Variants in MYLIP observed in about 807,000 individuals in gnomAD.
MYLIP encodes E3 ubiquitin-protein ligase MYLIP.
In MYLIP, 26 loss-of-function variants were observed where a neutral mutation model predicts 45.8. The ratio of observed to expected loss-of-function variants is 0.57; its 90% confidence interval spans 0.42 to 0.79. MYLIP has a LOEUF of 0.79. Among genes scored for constraint, MYLIP ranks in the 30% least tolerant of loss-of-function variants. MYLIP has a pLI of 0.00. For synonymous variants in MYLIP, 213 were observed against 218.1 expected (o/e 0.98, Z 0.21); for missense variants, 494 against 555.6 (o/e 0.89, Z 1.11).
the MYLIP span, among the ~76,000 whole-genome samples, chr6:16,159,504 G>A: frequency 6.6e-6 from 1 of 152,212 alleles, no homozygotes; most frequent in Non-Finnish European, 1.5e-5. Flanking sequence ...TGTGTTTGCT[G>A]TCCTTCTTAT....
chr6:16,141,635 T>G lies in MYLIP; in HGVS notation c.289T>G (p.Phe97Val). The change falls in exon 3 of 7, where the codon TTC (phenylalanine) becomes GTC (valine). Residue 97 changes from phenylalanine to valine, a missense_variant. Coordinates refer to ENST00000356840, the MANE Select transcript of MYLIP (RefSeq NM_013262.4). ...ILQEQTRHIF[F>V]LHIKEALLAG... Reference sequence around the variant, plus strand: ...CACCTTGCTTTGCAGGCATATCTTTTTCTTGCACATCAAGGAGGCCCTCTT... The same window carrying G: ...CACCTTGCTTTGCAGGCATATCTTTGTCTTGCACATCAAGGAGGCCCTCTT... 6.2e-7 allele frequency: 1 copy of G among 1,612,850 alleles called. No homozygotes were observed. The highest frequency in any genetic ancestry group is 1.1e-5 in the South Asian group (1 of 91,010).
At position 16,129,135 on chromosome 6, in the gene MYLIP, CGGGCAGCGGGTGAGG is replaced by C; in HGVS notation, c.-184_-170del. ...CACCGCGGAGGACAGGGGCAGCTGGCGGGCAGCGGGTGAGGGGGTGGCGGGGACGCGAGTGGCGGC... is the reference window on the plus strand; with the variant it reads ...CACCGCGGAGGACAGGGGCAGCTGGCGGGTGGCGGGGACGCGAGTGGCGGC... On this transcript the variant is annotated 5_prime_UTR_variant, in exon 1 of 7. Coordinates refer to ENST00000356840, the MANE Select transcript of MYLIP (RefSeq NM_013262.4). The surrounding 1 kb of genome is among the most constrained non-coding windows in gnomAD (Gnocchi z 5.1). The C allele has an allele frequency of 1.7e-6, 1 of 587,026 alleles. No homozygotes were observed. The highest frequency in any genetic ancestry group is 3.0e-5 in the East Asian group (1 of 33,092). The allele number at this position is 587,026 out of a possible 1,614,324, so 36.4% of individuals were successfully genotyped here. A position where few individuals can be genotyped will look rare whatever the true frequency, so the allele number is the denominator to read the frequency against.
rs1454237502 is a variant in MYLIP, at chr6:16,129,983, G to A, written c.87+574G>A. 2.0e-5 allele frequency among the ~76,000 whole-genome samples: 3 copies of A among 152,240 alleles called. No homozygotes were observed. Among genetic ancestry groups the A allele is most frequent in the Admixed American group, 6.5e-5 (1 of 15,288 alleles). ...CTACTGCTCGGTTGTTTTTAAGCAT[G>A]TGTTTCCTTAACAGTGAGGGAGATC... On this transcript the variant is annotated intron_variant, in intron 1 of 6. Transcript: ENST00000356840. The surrounding 1 kb of genome is among the most constrained non-coding windows in gnomAD (Gnocchi z 5.1).
chr6:16,153,698 G>C, the MYLIP span, among the ~76,000 whole-genome samples: 2,293 of 152,294 alleles, frequency 0.015, 28 homozygotes, highest in Non-Finnish European at 0.026. Flanking sequence ...GTGTGTGCCA[G>C]AGTTAGGGGA....
intron 2 of MYLIP, among the ~76,000 whole-genome samples, chr6:16,133,806 G>A (rs181354077): frequency 2.6e-5 from 4 of 152,268 alleles, no homozygotes; most frequent in African/African-American, 7.2e-5. Context: ...GCTAGGAGAC[G>A]TTTTGCTTAG....
At chr6:16,158,388 T>C in the MYLIP span, among the ~76,000 whole-genome samples, 1 of 152,230 alleles carries the variant, frequency 6.6e-6, no homozygotes, top group Non-Finnish European at 1.5e-5. Flanking sequence ...ACAGAGCTGC[T>C]GCTTTATTTT....
At chr6:16,153,566 C>T in the MYLIP span, among the ~76,000 whole-genome samples, 1 of 152,178 alleles carries the variant, frequency 6.6e-6, no homozygotes, top group Non-Finnish European at 1.5e-5. Context: ...TTACCTTTCT[C>T]CTTCATCCCC....
chr6:16,157,018 T>G, the MYLIP span, among the ~76,000 whole-genome samples: 2 of 152,182 alleles, frequency 1.3e-5, no homozygotes, highest in South Asian at 4.1e-4. Flanking sequence ...AAATCTTTCT[T>G]CACTTAACAT....
chr6:16,147,074 G>C lies in MYLIP; in HGVS notation c.*323G>C. 5.0e-6 allele frequency: 1 copy of C among 199,770 alleles called. No individual in the cohort carries two copies. Among genetic ancestry groups the C allele is most frequent in the Non-Finnish European group, 1.0e-5 (1 of 95,692 alleles). 12.4% of individuals were successfully genotyped at this position (199,770 alleles called of 1,614,324 possible). A position where few individuals can be genotyped will look rare whatever the true frequency, so the allele number is the denominator to read the frequency against. On this transcript the variant is annotated 3_prime_UTR_variant, in exon 7 of 7. Coordinates refer to ENST00000356840, the MANE Select transcript of MYLIP (RefSeq NM_013262.4). ...AAGTGGCAACATAGCCAAAAAGTTG[G>C]GTACCTTTTAGGAAATGATGTTGTA...
chr6:16,161,675 A>G, the MYLIP span, among the ~76,000 whole-genome samples: 1 of 152,248 alleles, frequency 6.6e-6, no homozygotes, highest in Non-Finnish European at 1.5e-5. Context: ...AATATTTCTT[A>G]AATACTGTTA....
chr6:16,130,768 C>G (rs376744762), intron 2 of MYLIP, 21 bp downstream of exon 2: 1 of 1,603,126 alleles, frequency 6.2e-7, no homozygotes, highest in African/African-American at 1.3e-5. Context: ...CTAAAATAAA[C>G]CAATGTCAAA....
At chr6:16,135,413 C>T (rs748155583) in intron 2 of MYLIP, among the ~76,000 whole-genome samples, 1 of 152,146 alleles carries the variant, frequency 6.6e-6, no homozygotes, top group Non-Finnish European at 1.5e-5. Flanking sequence ...AGCTGCTGCC[C>T]TCCACATCTT....
At position 16,143,074 on chromosome 6, in the gene MYLIP, C is replaced by A; in HGVS notation, c.519C>A (p.Tyr173Ter). The change falls in exon 4 of 7, where the codon TAC becomes TAA. Residue 173 changes from tyrosine to a stop codon, truncating the protein, a stop_gained. Transcript: ENST00000356840. LOFTEE classifies it high-confidence loss of function. ...GGACCAGCCAGGCTTCAGCTGAATA[C>A]CAAGTTTTGCAGATTGTGTCGGCAA... ...LEGTSQASAE[Y>*]QVLQIVSAME... The A allele has an allele frequency of 6.2e-7, 1 of 1,614,166 alleles. No homozygotes were observed. The highest frequency in any genetic ancestry group is 8.5e-7 in the Non-Finnish European group (1 of 1,180,032).
intron 4 of MYLIP, 66 bp from the exon 5 acceptor site, chr6:16,143,633 A>G (rs2072784): frequency 0.14 from 212,605 of 1,552,674 alleles, 17,565 homozygotes; most frequent in East Asian, 0.4. Context: ...GGATCCCACA[A>G]AGGCACACAC....
chr6:16,137,083 C>T (rs139710389), intron 2 of MYLIP, among the ~76,000 whole-genome samples: 10 of 152,220 alleles, frequency 6.6e-5, no homozygotes, highest in African/African-American at 2.4e-4. Context: ...TCCTGAGAAA[C>T]CTTTGCTACC....
chr6:16,143,575 A>G, intron 4 of MYLIP, 124 bp from the exon 5 acceptor site: 1 of 968,962 alleles, frequency 1.0e-6, no homozygotes, highest in Non-Finnish European at 1.5e-6. Flanking sequence ...GTGATGTGAT[A>G]ACCCCAGAGG....
chr6:16,142,970 T>G, intron 3 of MYLIP, 50 bp from the exon 4 acceptor site: 2 of 1,553,574 alleles, frequency 1.3e-6, no homozygotes, highest in Non-Finnish European at 1.8e-6. Context: ...GGTTTATCTC[T>G]AAAGCTAATA....
Position 16,141,769 on chromosome 6 carries a change from G to A in MYLIP, c.423G>A (p.Glu141=). Residue 141 remains glutamate (E), a synonymous_variant, in exon 3 of 7, where the codon GAG becomes GAA. Transcript: ENST00000356840. ...AGAACACTGCCAAGTATAACTATGAGGAGCTCTGTGCCAAGGAGCTCTCCT... is the reference window on the plus strand; with the variant it reads ...AGAACACTGCCAAGTATAACTATGAAGAGCTCTGTGCCAAGGAGCTCTCCT... The part of the protein sequence containing the change: ...YNQNTAKYNY[E]ELCAKELSSA... 1 of 1,613,866 alleles carries A rather than the reference G, an allele frequency of 6.2e-7. No individual in the cohort carries two copies. Among genetic ancestry groups the A allele is most frequent in the Non-Finnish European group, 8.5e-7 (1 of 1,179,834 alleles).
At chr6:16,156,494 T>G in the MYLIP span, among the ~76,000 whole-genome samples, 2 of 152,226 alleles carry the variant, frequency 1.3e-5, no homozygotes, top group African/African-American at 4.8e-5. Context: ...ACCATCTCTA[T>G]GCAATTTGCC....
Sources: allele counts gnomAD v4.1 joint callset (sites outside exome capture counted in the v4.1 genomes callset), GRCh38; gene constraint gnomAD v4.1.1; non-coding constraint Gnocchi (gnomAD v3.1); transcripts MANE v1.5; gene names NCBI Gene and HGNC (gene_info 2026-07-23, HGNC 2026-07-21).